PEAK1: variants seen among roughly 807,000 people sequenced by gnomAD.
The protein encoded by PEAK1 is inactive tyrosine-protein kinase PEAK1.
PEAK1 carries 54 observed loss-of-function variants against 124.7 expected under a neutral mutation model. The observed-to-expected ratio is 0.43, with a 90% CI of 0.35 to 0.54. The LOEUF (loss-of-function observed/expected upper bound fraction) is 0.54, where lower values mean the gene tolerates loss of function less well. PEAK1 is among the 20% of genes least tolerant of loss of function. The probability of loss-of-function intolerance (pLI) is 0.01; values close to 1 mark genes in which losing one functional copy is unlikely to be tolerated. For synonymous variants in PEAK1, 719 were observed against 760.0 expected (o/e 0.95, Z 0.89); for missense variants, 2,046 against 2,134.5 (o/e 0.96, Z 0.82).
At chr15:77,296,350 G>A (rs1024717801) in intron 2 of PEAK1, among the ~76,000 whole-genome samples, 2 of 150,534 alleles carry the variant, frequency 1.3e-5, no homozygotes, top group East Asian at 1.9e-4. Context: ...GGTGGCTCAC[G>A]CCGGTAATCC....
chr15:77,323,662 T>C (rs555232758), intron 2 of PEAK1, among the ~76,000 whole-genome samples: 8 of 152,194 alleles, frequency 5.3e-5, no homozygotes, highest in South Asian at 4.1e-4. Context: ...GAACATTCCA[T>C]GCTCATGGGT....
At chr15:77,242,190 T>A (rs1327777382) in intron 6 of PEAK1, among the ~76,000 whole-genome samples, 1 of 152,104 alleles carries the variant, frequency 6.6e-6, no homozygotes, top group East Asian at 1.9e-4. Context: ...GGTAAATTGT[T>A]AGAAGTACAT....
rs1410616002 is a variant in PEAK1, at chr15:77,123,651, G to A, written c.4078-8332C>T. On this transcript the variant is annotated intron_variant, in intron 9 of 9. Transcript: ENST00000682557. ...TAGTCTACTATGGATTTAGATATGA[G>A]GATTTAGTCTACTATGAGGATATGA... 1.3e-5 allele frequency among the ~76,000 whole-genome samples: 2 copies of A among 152,094 alleles called. 1 individual carries two copies. Among genetic ancestry groups the A allele is most frequent in the Admixed American group, 1.3e-4 (2 of 15,264 alleles).
chr15:77,251,848 C>A (rs1308856415), intron 6 of PEAK1, among the ~76,000 whole-genome samples: 1 of 152,194 alleles, frequency 6.6e-6, no homozygotes, highest in East Asian at 1.9e-4. Flanking sequence ...CTGCATAAAT[C>A]ATCCCTTAAT....
Position 77,333,121 on chromosome 15 carries a change from A to AT in PEAK1, c.-603+32041dup, listed in dbSNP as rs1253119142. 18 of 980,994 alleles carry AT rather than the reference A, an allele frequency of 1.8e-5. No homozygotes were observed. In the African/African-American group the frequency reaches 3.0e-4, roughly 16 times the overall value. 60.8% of individuals were successfully genotyped at this position (980,994 alleles called of 1,614,324 possible). A position where few individuals can be genotyped will look rare whatever the true frequency, so the allele number is the denominator to read the frequency against. ...TTTTGTTGATGGTATTTGATACATA[A>AT]TTTTTTGTGCAACTAAAACACTTTA... On this transcript the variant is annotated intron_variant, in intron 2 of 9. Coordinates refer to ENST00000682557, the MANE Select transcript of PEAK1 (RefSeq NM_001385026.1).
chr15:77,125,502 G>T (rs2052299550), intron 9 of PEAK1, among the ~76,000 whole-genome samples: 2 of 152,016 alleles, frequency 1.3e-5, no homozygotes, highest in South Asian at 4.1e-4. Flanking sequence ...GTGTGTATGT[G>T]TGTGTGTGTG....
intron 1 of PEAK1, among the ~76,000 whole-genome samples, chr15:77,416,208 T>C (rs2072874472): frequency 6.6e-6 from 1 of 152,170 alleles, no homozygotes; most frequent in African/African-American, 2.4e-5. Context: ...ATGACAAATC[T>C]CTATTTCCTT....
At position 77,169,789 on chromosome 15, in the gene PEAK1, G is replaced by C. The variant is rs115723269; in HGVS notation, c.3137+9001C>G. 7.3e-3 allele frequency among the ~76,000 whole-genome samples: 1,117 copies of C among 152,322 alleles called. 15 individuals carry two copies. The highest frequency in any genetic ancestry group is 0.025 in the African/African-American group (1,060 of 41,570). On this transcript the variant is annotated intron_variant, in intron 7 of 9. Coordinates refer to ENST00000682557, the MANE Select transcript of PEAK1 (RefSeq NM_001385026.1). ...GAATCATCCAACATTTTGGATGTTG[G>C]GGGTGAAGGAAACAGAAGAATCAAA...
intron 2 of PEAK1, among the ~76,000 whole-genome samples, chr15:77,321,873 A>G (rs185861356): frequency 1.3e-5 from 2 of 152,260 alleles, no homozygotes; most frequent in South Asian, 2.1e-4. Flanking sequence ...CTTTCTACAC[A>G]TGGCTAGCCA....
At chr15:77,259,989 A>C (rs965682389) in intron 5 of PEAK1, among the ~76,000 whole-genome samples, 2 of 152,224 alleles carry the variant, frequency 1.3e-5, no homozygotes, top group South Asian at 2.1e-4. Context: ...AAAACGTTAC[A>C]TTAAGAAGGG....
intron 5 of PEAK1, among the ~76,000 whole-genome samples, chr15:77,280,608 C>T (rs2062615715): frequency 1.3e-5 from 2 of 149,692 alleles, no homozygotes. Flanking sequence ...AAACCTATTC[C>T]TATTCCATGT....
intron 2 of PEAK1, among the ~76,000 whole-genome samples, chr15:77,358,685 CA>C (rs2067683872): frequency 6.6e-6 from 1 of 152,268 alleles, no homozygotes; most frequent in South Asian, 2.1e-4. Context: ...CAAACAATCA[CA>C]ACATAGTGAA....
At chr15:77,137,276 G>A (rs917172981) in intron 8 of PEAK1, among the ~76,000 whole-genome samples, 3 of 152,236 alleles carry the variant, frequency 2.0e-5, no homozygotes, top group African/African-American at 7.2e-5. Context: ...TCCCTACTGA[G>A]GCACTGCCTA....
rs1455660404 is a variant in PEAK1, at chr15:77,181,498, T to G, written c.429A>C (p.Ser143=). The part of the protein sequence containing the change: ...YGNNDSAKKM[S]DNNNGLTEVL... Reference sequence around the variant, plus strand: ...CTTCAGTTAGTCCATTATTGTTATCTGACATCTTCTTTGCACTATCATTAT... The same window carrying G: ...CTTCAGTTAGTCCATTATTGTTATCGGACATCTTCTTTGCACTATCATTAT... The change falls in exon 7 of 10, where the codon TCA becomes TCC. Residue 143 remains serine (S), a synonymous_variant. Coordinates refer to ENST00000682557, the MANE Select transcript of PEAK1 (RefSeq NM_001385026.1). The G allele has an allele frequency of 6.2e-7, 1 of 1,614,146 alleles. No homozygotes were observed. The highest frequency in any genetic ancestry group is 1.7e-5 in the Admixed American group (1 of 60,022).
At position 77,248,344 on chromosome 15, in the gene PEAK1, C is replaced by G. The variant is rs140421772; in HGVS notation, c.-115+4023G>C. On this transcript the variant is annotated intron_variant, in intron 6 of 9. Transcript: ENST00000682557. ...ATATATAAAATGGAAATATTAATAACAAGAGCTATGTCAAACAGATTTGTA... is the reference window on the plus strand; with the variant it reads ...ATATATAAAATGGAAATATTAATAAGAAGAGCTATGTCAAACAGATTTGTA... Among the ~76,000 whole-genome samples, 40 of 152,276 alleles carry G rather than the reference C, an allele frequency of 2.6e-4. No individual in the cohort carries two copies. The East Asian group carries it at 3.5e-3, about 13-fold the overall frequency.
chr15:77,406,401 C>T (rs1045249418), intron 1 of PEAK1, among the ~76,000 whole-genome samples: 7 of 152,178 alleles, frequency 4.6e-5, no homozygotes, highest in Non-Finnish European at 7.4e-5. Context: ...ATCCAAAAAG[C>T]TCCTAGGTCT....
At chr15:77,102,434 C>G (rs375807439) in exon 7 of PEAK1, 1 of 152,190 alleles carries the variant, frequency 6.6e-6, no homozygotes, top group African/African-American at 2.4e-5. Flanking sequence ...CTTTCAGACA[C>G]CTTCCACCGT....
At chr15:77,391,476 C>CA (rs536286745) in intron 1 of PEAK1, among the ~76,000 whole-genome samples, 3,001 of 68,122 alleles carry the variant, frequency 0.044, 509 homozygotes, top group African/African-American at 0.098. Context: ...TAACTCATGG[C>CA]AAAAAAAAAA....
intron 6 of PEAK1, among the ~76,000 whole-genome samples, chr15:77,223,959 C>T (rs939564181): frequency 1.4e-5 from 2 of 138,612 alleles, no homozygotes; most frequent in Non-Finnish European, 1.5e-5. Context: ...TCATATGGAA[C>T]AACAATGAAG....
Sources: gnomAD v4.1 joint callset for allele counts (sites outside exome capture counted in the v4.1 genomes callset) on GRCh38, gnomAD v4.1.1 for gene constraint, MANE v1.5 for transcripts, NCBI Gene and HGNC (gene_info 2026-07-23, HGNC 2026-07-21) for gene names.